The following ZNF407 variants were observed in gnomAD, a reference collection of about 807,000 sequenced individuals.
ZNF407 encodes zinc finger protein 407.
In ZNF407, 17 loss-of-function variants were observed where a neutral mutation model predicts 131.2. The ratio of observed to expected loss-of-function variants is 0.13; its 90% CI spans 0.09 to 0.19. The LOEUF (loss-of-function observed/expected upper bound fraction) is 0.19, where lower values mean the gene tolerates loss of function less well. Ranked by LOEUF, ZNF407 falls within the 10% of genes least tolerant of loss-of-function variation. The probability of loss-of-function intolerance (pLI) is 1.00; values close to 1 mark genes in which losing one functional copy is unlikely to be tolerated. For missense variants in ZNF407, 2,681 were observed against 2,830.6 expected (o/e 0.95, Z 1.20); for synonymous variants, 1,156 against 1,062.0 (o/e 1.09, Z -1.72).
intron 8 of ZNF407, among the ~76,000 whole-genome samples, chr18:75,030,823 G>A (rs1194728370): frequency 6.6e-6 from 1 of 152,174 alleles, no homozygotes; most frequent in Non-Finnish European, 1.5e-5. Context: ...CTGTCTAAGG[G>A]AGATTTTACC....
intron 3 of ZNF407, among the ~76,000 whole-genome samples, chr18:74,729,263 T>C (rs1423117416): frequency 6.6e-6 from 1 of 152,244 alleles, no homozygotes; most frequent in African/African-American, 2.4e-5. Context: ...GAACATCTAC[T>C]TTGTCCTTGG....
At chr18:75,043,172 C>T (rs1973393630) in intron 8 of ZNF407, among the ~76,000 whole-genome samples, 1 of 152,194 alleles carries the variant, frequency 6.6e-6, no homozygotes, top group Admixed American at 6.5e-5. Flanking sequence ...TCCTCACCAG[C>T]ACTTGGCATG....
At chr18:74,653,146 T>C (rs1985301581) in intron 3 of ZNF407, among the ~76,000 whole-genome samples, 1 of 151,934 alleles carries the variant, frequency 6.6e-6, no homozygotes, top group African/African-American at 2.4e-5. Flanking sequence ...TAGCCATAGA[T>C]GTCTGTGGTA....
At chr18:74,762,847 A>G (rs1969127623) in intron 3 of ZNF407, among the ~76,000 whole-genome samples, 1 of 151,818 alleles carries the variant, frequency 6.6e-6, no homozygotes, top group Non-Finnish European at 1.5e-5. Context: ...TCTCCTTTCT[A>G]TAGATGTCTG....
chr18:74,884,748 G>C (rs1236081219), intron 6 of ZNF407, among the ~76,000 whole-genome samples: 1 of 152,102 alleles, frequency 6.6e-6, no homozygotes. Flanking sequence ...AGATTTTCAT[G>C]TAAGTTTAAA....
chr18:74,810,770 A>C (rs1294306676), intron 4 of ZNF407, among the ~76,000 whole-genome samples: 1 of 152,140 alleles, frequency 6.6e-6, no homozygotes, highest in Non-Finnish European at 1.5e-5. Flanking sequence ...CTATTTAATA[A>C]ATGGTGCTGG....
intron 8 of ZNF407, among the ~76,000 whole-genome samples, chr18:75,019,456 A>G (rs1456137043): frequency 1.3e-5 from 2 of 152,156 alleles, no homozygotes; most frequent in East Asian, 3.9e-4. Context: ...TGGTTCAAAC[A>G]TAGTAAATGG....
At chr18:74,660,455 T>C (rs1196331851) in intron 3 of ZNF407, among the ~76,000 whole-genome samples, 2 of 152,130 alleles carry the variant, frequency 1.3e-5, no homozygotes, top group African/African-American at 4.8e-5. Flanking sequence ...CGTCCTGTCA[T>C]GTCGTAATGT....
intron 4 of ZNF407, among the ~76,000 whole-genome samples, chr18:74,798,624 T>C (rs1045063750): frequency 1.3e-5 from 2 of 152,156 alleles, no homozygotes; most frequent in East Asian, 3.8e-4. Flanking sequence ...CTTTTACTGA[T>C]GCAGAACTCA....
intron 3 of ZNF407, among the ~76,000 whole-genome samples, chr18:74,770,746 T>G (rs1969343811): frequency 6.6e-6 from 1 of 152,108 alleles, no homozygotes; most frequent in African/African-American, 2.4e-5. Flanking sequence ...CATGTGTGTG[T>G]GGGGTGTGTA....
At position 74,950,968 on chromosome 18, in the gene ZNF407, A is replaced by G. The variant is rs147734931; in HGVS notation, c.5428+30276A>G. 9.2e-5 allele frequency among the ~76,000 whole-genome samples: 14 copies of G among 152,322 alleles called. No individual in the cohort carries two copies. In the East Asian group the frequency reaches 2.5e-3, roughly 27 times the overall value. On this transcript the variant is annotated intron_variant, in intron 8 of 8. Transcript: ENST00000299687. ...TTGTCTCAACTGAAAATTTGCTGCC[A>G]AAATTTGGATTTTAATATTTTCAGA...
At chr18:74,608,149 G>T (rs972794470) in intron 1 of ZNF407, among the ~76,000 whole-genome samples, 1 of 152,156 alleles carries the variant, frequency 6.6e-6, no homozygotes, top group East Asian at 1.9e-4. Flanking sequence ...CTTTTGGCCA[G>T]CATCTCCTGT....
chr18:74,717,137 G>A (rs904304555), intron 3 of ZNF407, among the ~76,000 whole-genome samples: 7 of 152,156 alleles, frequency 4.6e-5, no homozygotes, highest in African/African-American at 1.7e-4. Flanking sequence ...TGGCCCAGGT[G>A]ATTCTGACCT....
At chr18:74,969,760 G>T (rs994116972) in intron 8 of ZNF407, among the ~76,000 whole-genome samples, 1 of 152,148 alleles carries the variant, frequency 6.6e-6, no homozygotes, top group Non-Finnish European at 1.5e-5. Flanking sequence ...CGGACCTTGG[G>T]GTAGGAGTAT....
intron 3 of ZNF407, among the ~76,000 whole-genome samples, chr18:74,750,620 A>C (rs149754697): frequency 3.7e-4 from 57 of 152,274 alleles, no homozygotes; most frequent in Admixed American, 6.5e-4. Flanking sequence ...TCATCATTTC[A>C]TGGTCATCAG....
At chr18:74,869,422 A>T (rs189370430) in intron 4 of ZNF407, among the ~76,000 whole-genome samples, 3 of 152,316 alleles carry the variant, frequency 2.0e-5, no homozygotes, top group African/African-American at 7.2e-5. Context: ...GGGTAGTTTT[A>T]AAAAGGACAG....
chr18:74,964,795 C>G (rs9951981), intron 8 of ZNF407, among the ~76,000 whole-genome samples: 29,531 of 152,062 alleles, frequency 0.19, 3,442 homozygotes, highest in African/African-American at 0.3. Flanking sequence ...ACCAAGATTT[C>G]TCAAAGTGTT....
In ZNF407 at chr18:74,632,141, T is replaced by C. The variant is rs200961138; in HGVS notation, c.1122T>C (p.Asn374=). 1.1e-4 allele frequency: 172 copies of C among 1,613,852 alleles called. No homozygotes were observed. The highest frequency in any genetic ancestry group is 1.4e-4 in the Non-Finnish European group (165 of 1,179,910). Residue 374 remains asparagine (N), a synonymous_variant, in exon 2 of 9, where the codon AAT becomes AAC. Coordinates refer to ENST00000299687, the MANE Select transcript of ZNF407 (RefSeq NM_017757.3). ...EHVTSLGLAQ[N]PENQSRKLDT... is the part of the protein sequence containing the mutation. Reference sequence around the variant, plus strand: ...TTACTTCCCTTGGTCTAGCTCAGAATCCTGAAAACCAGAGTAGAAAGCTAG... The same window carrying C: ...TTACTTCCCTTGGTCTAGCTCAGAACCCTGAAAACCAGAGTAGAAAGCTAG...
chr18:74,940,075 A>G (rs1419476589), intron 8 of ZNF407, among the ~76,000 whole-genome samples: 1 of 152,212 alleles, frequency 6.6e-6, no homozygotes, highest in African/African-American at 2.4e-5. Context: ...TTACCTGCCC[A>G]TTAAGTAATC....
Sources: gnomAD v4.1 joint callset for allele counts (sites outside exome capture counted in the v4.1 genomes callset) on GRCh38, gnomAD v4.1.1 for gene constraint, MANE v1.5 for transcripts, NCBI Gene and HGNC (gene_info 2026-07-23, HGNC 2026-07-21) for gene names.